The following IQSEC1 variants were observed in gnomAD, a reference collection of about 807,000 sequenced individuals.
IQSEC1 encodes the protein IQ motif and Sec7 domain ArfGEF 1, also known as IQ motif and SEC7 domain-containing protein 1.
A neutral mutation model predicts 91.0 loss-of-function variants in IQSEC1; 31 were observed. The ratio of observed to expected loss-of-function variants is 0.34; its 90% CI spans 0.26 to 0.46. IQSEC1 has a LOEUF of 0.46. Among genes scored for constraint, IQSEC1 ranks in the 20% least tolerant of loss-of-function variants. IQSEC1 has a pLI of 1.00. For synonymous variants in IQSEC1, 699 were observed against 662.6 expected, an observed-to-expected ratio of 1.05 and a Z score of -0.84; for missense variants, 1,388 against 1,575.6, an observed-to-expected ratio of 0.88 and a Z score of 2.02.
chr3:13,178,911 T>A (rs1222292925), intron 1 of IQSEC1, among the ~76,000 whole-genome samples: 6 of 152,216 alleles, frequency 3.9e-5, no homozygotes, highest in Non-Finnish European at 8.8e-5. Flanking sequence ...AATTCCTTCC[T>A]CAGGAAACAC....
intron 2 of IQSEC1, among the ~76,000 whole-genome samples, chr3:13,160,055 G>A (rs113670046): frequency 2.6e-4 from 40 of 152,232 alleles, no homozygotes; most frequent in Admixed American, 4.6e-4. Context: ...TTGCAAAATG[G>A]TCAAAAAATG....
chr3:12,991,429 C>T (rs1345375756), intron 1 of IQSEC1, among the ~76,000 whole-genome samples: 1 of 152,096 alleles, frequency 6.6e-6, no homozygotes, highest in Non-Finnish European at 1.5e-5. Context: ...TGCGGCAGTG[C>T]GTGGGACCCC....
chr3:13,077,483 T>C (rs1705581450), upstream of IQSEC1, among the ~76,000 whole-genome samples: 2 of 152,228 alleles, frequency 1.3e-5, no homozygotes, highest in South Asian at 4.1e-4. Flanking sequence ...CATATCTTTT[T>C]CTGCAACTCT....
intron 1 of IQSEC1, among the ~76,000 whole-genome samples, chr3:13,263,434 G>A (rs1405455426): frequency 7.6e-6 from 1 of 132,016 alleles, no homozygotes; most frequent in African/African-American, 2.6e-5. Context: ...TTTTGGGGGG[G>A]GGGGGAAAGT....
intron 3 of IQSEC1, among the ~76,000 whole-genome samples, chr3:12,929,895 C>T (rs903360309): frequency 8.5e-5 from 13 of 152,258 alleles, no homozygotes; most frequent in African/African-American, 3.1e-4. Flanking sequence ...TAGCTGCCTC[C>T]TCTAAAGCTG....
At chr3:12,913,634 C>T in intron 8 of IQSEC1, 81 bp from the exon 9 acceptor site, 1 of 1,439,222 alleles carries the variant, frequency 6.9e-7, no homozygotes, top group African/African-American at 1.4e-5. Flanking sequence ...GAAGTCTAGC[C>T]CTTCAAGCTA....
chr3:13,281,896 A>G (rs1208237694), intron 1 of IQSEC1, among the ~76,000 whole-genome samples: 2 of 152,146 alleles, frequency 1.3e-5, no homozygotes, highest in South Asian at 2.1e-4. Flanking sequence ...CCCGCCCCAG[A>G]GACACCGAAG....
chr3:13,154,050 A>G (rs1011844578), intron 2 of IQSEC1, among the ~76,000 whole-genome samples: 3 of 152,066 alleles, frequency 2.0e-5, no homozygotes, highest in Non-Finnish European at 2.9e-5. Context: ...GATTTTAAGG[A>G]CAGCAGCACT....
intron 1 of IQSEC1, among the ~76,000 whole-genome samples, chr3:13,224,708 C>T (rs1295715282): frequency 6.6e-6 from 1 of 152,072 alleles, no homozygotes; most frequent in East Asian, 1.9e-4. Flanking sequence ...TCGACTGTTC[C>T]TCTTCTGTAG....
At chr3:13,253,867 G>C (rs765494752) in intron 1 of IQSEC1, among the ~76,000 whole-genome samples, 1 of 152,106 alleles carries the variant, frequency 6.6e-6, no homozygotes, top group Non-Finnish European at 1.5e-5. Flanking sequence ...TCTGATACCC[G>C]GGGCCCCCAG....
At chr3:13,112,250 G>A (rs1481188347) in intron 2 of IQSEC1, among the ~76,000 whole-genome samples, 1 of 152,226 alleles carries the variant, frequency 6.6e-6, no homozygotes, top group East Asian at 1.9e-4. Flanking sequence ...CAGGTGCCTG[G>A]AAGGACTCCC....
intron 1 of IQSEC1, among the ~76,000 whole-genome samples, chr3:13,035,854 C>T (rs773938493): frequency 6.6e-6 from 1 of 152,220 alleles, no homozygotes; most frequent in South Asian, 2.1e-4. Flanking sequence ...CTACTTGGCT[C>T]TCTTTCCCTT....
At position 12,899,260 on chromosome 3, in the gene IQSEC1, G is replaced by A. The variant is rs1288394443; in HGVS notation, c.*1723C>T. The A allele has an allele frequency of 2.1e-5, 22 of 1,049,372 alleles. No individual in the cohort carries two copies. The highest frequency in any genetic ancestry group is 1.6e-4 in the East Asian group (6 of 37,874). 65.0% of individuals were successfully genotyped at this position (1,049,372 alleles called of 1,614,324 possible). On this transcript the variant is annotated 3_prime_UTR_variant, in exon 14 of 14. Coordinates refer to ENST00000613206, the MANE Select transcript of IQSEC1 (RefSeq NM_001134382.3). ...GGGCTCCCCTCTCCTCCTGCCGTCCGGCCACGGCTCACCACGCTGTCCACT... is the reference window on the plus strand; with the variant it reads ...GGGCTCCCCTCTCCTCCTGCCGTCCAGCCACGGCTCACCACGCTGTCCACT...
At chr3:13,200,846 C>T (rs1465207736) in intron 1 of IQSEC1, among the ~76,000 whole-genome samples, 1 of 152,208 alleles carries the variant, frequency 6.6e-6, no homozygotes, top group Non-Finnish European at 1.5e-5. Flanking sequence ...TCCTTGTTCT[C>T]ATTTCTAAGT....
intron 1 of IQSEC1, among the ~76,000 whole-genome samples, chr3:13,204,312 C>T (rs1295761089): frequency 6.6e-6 from 1 of 152,288 alleles, no homozygotes; most frequent in Non-Finnish European, 1.5e-5. Context: ...CGCTGGTGCC[C>T]ACTGACTCCC....
rs1559607247 is a variant in IQSEC1 at position 12,908,495 on chromosome 3, C to T, written c.2609G>A (p.Arg870Gln). 2 of 1,613,514 alleles carry T rather than the reference C, an allele frequency of 1.2e-6. No homozygotes were observed. Among genetic ancestry groups the T allele is most frequent in the African/African-American group, 1.3e-5 (1 of 75,006 alleles). ...GCTAGAGCACTGGGACATGCTGGGC[C>T]GCACGACGCCTTTCTGCTTCTCGAG... ...SELEKQKGVVRPSMSQCSSLK... is the reference protein window; with the variant it reads ...SELEKQKGVVQPSMSQCSSLK... Residue 870 changes from arginine (R) to glutamine (Q), a missense_variant, in exon 12 of 14, where the codon CGG becomes CAG. Transcript: ENST00000613206. This position sits in a 1 kb window ranked among gnomAD's most constrained non-coding sequence, Gnocchi z 4.9.
chr3:13,106,906 C>A (rs1033173462), intron 2 of IQSEC1, among the ~76,000 whole-genome samples: 11 of 152,204 alleles, frequency 7.2e-5, no homozygotes, highest in Non-Finnish European at 1.6e-4. Context: ...AGAAGAGACA[C>A]CACATGCCAG....
intron 1 of IQSEC1, among the ~76,000 whole-genome samples, chr3:13,009,268 G>A (rs1467054888): frequency 2.0e-5 from 3 of 152,166 alleles, no homozygotes; most frequent in East Asian, 1.9e-4. Context: ...ACCGGTGCCC[G>A]GACTGCCACA....
chr3:13,016,146 G>A (rs1703120160), intron 1 of IQSEC1, among the ~76,000 whole-genome samples: 2 of 152,226 alleles, frequency 1.3e-5, no homozygotes, highest in East Asian at 3.8e-4. Flanking sequence ...TGGCCAGGCA[G>A]GGCCCCCCAC....
Sources: allele counts gnomAD v4.1 joint callset (sites outside exome capture counted in the v4.1 genomes callset), GRCh38; gene constraint gnomAD v4.1.1; non-coding constraint Gnocchi (gnomAD v3.1); transcripts MANE v1.5; gene names NCBI Gene and HGNC (gene_info 2026-07-23, HGNC 2026-07-21).